The following TRIO variants were observed in gnomAD, a reference collection of about 807,000 sequenced individuals.
TRIO encodes the protein trio Rho guanine nucleotide exchange factor.
A neutral mutation model predicts 351.9 loss-of-function variants in TRIO; 58 were observed. That is an observed-to-expected ratio of 0.16 (90% CI 0.13 to 0.21). The LOEUF (loss-of-function observed/expected upper bound fraction) is 0.21. Ranked by LOEUF, TRIO falls within the 10% of genes least tolerant of loss-of-function variation. The pLI is 1.00. For missense variants in TRIO, 3,201 were observed against 4,027.8 expected (o/e 0.79, Z 5.56); for synonymous variants, 1,758 against 1,595.7 (o/e 1.10, Z -2.42).
At chr5:14,372,273 A>AGT (rs1745188096) in intron 18 of TRIO, among the ~76,000 whole-genome samples, 1 of 149,252 alleles carries the variant, frequency 6.7e-6, no homozygotes, top group Non-Finnish European at 1.5e-5. Context: ...AGAGAGAGAG[A>AGT]GAGTGCAGGC....
In TRIO at chr5:14,286,524, G is replaced by T. The variant is rs1011123617; in HGVS notation, c.348-347G>T. 6.6e-6 allele frequency among the ~76,000 whole-genome samples: 1 copy of T among 152,148 alleles called. No homozygotes were observed. Among genetic ancestry groups the T allele is most frequent in the African/African-American group, 2.4e-5 (1 of 41,422 alleles). On this transcript the variant is annotated intron_variant, in intron 3 of 56. Coordinates refer to ENST00000344204, the MANE Select transcript of TRIO (RefSeq NM_007118.4). This position sits in a 1 kb window ranked among gnomAD's most constrained non-coding sequence, Gnocchi z 4.4. ...TGCTCCCTGGAGACCTTTGCTCGCA[G>T]GAGTGACTGGAGGAGTTCATGTAAT...
In TRIO at chr5:14,504,396, C is replaced by T; in HGVS notation, c.8415C>T (p.Gly2805=). Reference sequence around the variant, plus strand: ...GTCCCCCTGACATATTTTACAGGGGCAGATTCTCTGTCGTTAAGAAATGTG... The same window carrying T: ...GTCCCCCTGACATATTTTACAGGGGTAGATTCTCTGTCGTTAAGAAATGTG... ...FYSEVAELGR[G]RFSVVKKCDQ... Residue 2805 remains glycine, a synonymous_variant, in exon 55 of 57, where the codon GGC becomes GGT. Transcript: ENST00000344204. The T allele has an allele frequency of 1.2e-6, 2 of 1,614,128 alleles. No individual in the cohort carries two copies. Among genetic ancestry groups the T allele is most frequent in the African/African-American group, 1.3e-5 (1 of 75,040 alleles).
At chr5:14,389,635 A>G (rs1746872285) in intron 25 of TRIO, among the ~76,000 whole-genome samples, 1 of 152,182 alleles carries the variant, frequency 6.6e-6, no homozygotes, top group African/African-American at 2.4e-5. Context: ...AACTATGAAA[A>G]TATTTTTATA....
intron 1 of TRIO, among the ~76,000 whole-genome samples, chr5:14,190,388 C>A (rs1308855131): frequency 6.6e-6 from 1 of 152,200 alleles, no homozygotes; most frequent in African/African-American, 2.4e-5. Flanking sequence ...GAAAAATCAA[C>A]CACATATGCA....
chr5:14,498,156 A>G lies in TRIO; in HGVS notation c.8115A>G (p.Arg2705=). 6.2e-7 allele frequency: 1 copy of G among 1,614,162 alleles called. No individual in the cohort carries two copies. The highest frequency in any genetic ancestry group is 8.5e-7 in the Non-Finnish European group (1 of 1,180,030). ...AGACAGGGGAGACCGTTGTTCTTAGATGTCGAGTCTGTGGCCGCCCCAAAG... is the reference window on the plus strand; with the variant it reads ...AGACAGGGGAGACCGTTGTTCTTAGGTGTCGAGTCTGTGGCCGCCCCAAAG... The part of the protein sequence containing the change: ...TCETGETVVL[R]CRVCGRPKAS... Residue 2705 remains arginine, a synonymous_variant, in exon 52 of 57, where the codon AGA becomes AGG. Transcript: ENST00000344204.
chr5:14,449,980 C>G (rs568622554), intron 34 of TRIO, among the ~76,000 whole-genome samples: 2 of 152,202 alleles, frequency 1.3e-5, no homozygotes. Context: ...TTAGCATTCC[C>G]CTTCCAAGAA....
intron 39 of TRIO, among the ~76,000 whole-genome samples, chr5:14,473,675 CA>C (rs1350479681): frequency 6.6e-6 from 1 of 152,150 alleles, no homozygotes; most frequent in East Asian, 1.9e-4. Context: ...TGATTCTGAC[CA>C]AATATTTAAT....
chr5:14,479,282 A>G lies in TRIO; in HGVS notation c.6175A>G (p.Ile2059Val). The G allele has an allele frequency of 6.2e-7, 1 of 1,614,046 alleles. No homozygotes were observed. The highest frequency in any genetic ancestry group is 8.5e-7 in the Non-Finnish European group (1 of 1,179,982). Residue 2059 changes from isoleucine to valine, a missense_variant, in exon 42 of 57, where the codon ATA becomes GTA. Coordinates refer to ENST00000344204, the MANE Select transcript of TRIO (RefSeq NM_007118.4). ...VKHERRLHMYIAYCQNKPKSE... is the reference protein window; with the variant it reads ...VKHERRLHMYVAYCQNKPKSE... ...CTAGGAGAGAAGGTTGCACATGTAC[A>G]TAGCTTATTGTCAAAATAAACCAAA...
chr5:14,414,881 C>G (rs73061653), intron 33 of TRIO, among the ~76,000 whole-genome samples: 1 of 152,248 alleles, frequency 6.6e-6, no homozygotes, highest in African/African-American at 2.4e-5. Context: ...GTGAAGTTGC[C>G]CTGTGGAGAA....
chr5:14,234,001 T>G (rs1037463581), intron 1 of TRIO, among the ~76,000 whole-genome samples: 3 of 152,140 alleles, frequency 2.0e-5, no homozygotes, highest in African/African-American at 7.2e-5. Flanking sequence ...TGTCACTGTT[T>G]CCCAGGCTAG....
intron 11 of TRIO, among the ~76,000 whole-genome samples, chr5:14,339,436 G>C (rs1369824420): frequency 1.3e-5 from 2 of 152,232 alleles, no homozygotes; most frequent in Non-Finnish European, 2.9e-5. Context: ...GGAATTTCTA[G>C]TATGTATGAG....
chr5:14,441,534 T>C (rs560158789), intron 34 of TRIO, among the ~76,000 whole-genome samples: 23 of 152,012 alleles, frequency 1.5e-4, no homozygotes, highest in African/African-American at 5.5e-4. Flanking sequence ...TGGGAGATGG[T>C]TTATGGGGGG....
At chr5:14,221,969 G>A (rs1465693952) in intron 1 of TRIO, among the ~76,000 whole-genome samples, 2 of 152,074 alleles carry the variant, frequency 1.3e-5, no homozygotes, top group Non-Finnish European at 2.9e-5. Context: ...AGGAAGAGTC[G>A]ATAGATGCAG....
At chr5:14,299,016 G>C (rs1309985996) in intron 7 of TRIO, among the ~76,000 whole-genome samples, 1 of 152,196 alleles carries the variant, frequency 6.6e-6, no homozygotes. Context: ...GTGAATGTCA[G>C]GCTGAAGCAT....
rs1161043659 is a variant in TRIO at position 14,357,194 on chromosome 5, A to AG, written c.2047-982dup. 4.6e-5 allele frequency among the ~76,000 whole-genome samples: 7 copies of AG among 152,352 alleles called. No homozygotes were observed. In the East Asian group the frequency reaches 1.4e-3, roughly 29 times the overall value. ...GTGCAGTTTTGACTTATGAGTCTTG[A>AG]GGCAGCAGGCGTTGCACAGGGTATC... On this transcript the variant is annotated intron_variant, in intron 11 of 56. Transcript: ENST00000344204.
At chr5:14,158,432 A>G (rs1788245265) in intron 1 of TRIO, among the ~76,000 whole-genome samples, 1 of 152,138 alleles carries the variant, frequency 6.6e-6, no homozygotes, top group African/African-American at 2.4e-5. Flanking sequence ...TCAAAAAAAA[A>G]AAAAATCTGG....
Position 14,316,762 on chromosome 5 carries a change from C to T in TRIO, c.1731+19C>T, listed in dbSNP as rs1196873129. The T allele has an allele frequency of 3.7e-6, 6 of 1,602,720 alleles. No individual in the cohort carries two copies. The South Asian group carries it at 4.5e-5, about 12-fold the overall frequency. ...TCAGCAGGTCAGTTTCGCCTCATGC[C>T]CTTCTGCATGGGAAATGGCTTGTGT... On this transcript the variant is annotated intron_variant, in intron 9 of 56. Transcript: ENST00000344204.
intron 11 of TRIO, among the ~76,000 whole-genome samples, chr5:14,345,221 G>A (rs541776817): frequency 6.6e-6 from 1 of 152,196 alleles, no homozygotes; most frequent in Admixed American, 6.5e-5. Flanking sequence ...AGAGAGCTTA[G>A]AAGTTATTGT....
chr5:14,358,330 C>T lies in TRIO; in HGVS notation c.2199C>T (p.Asp733=). The T allele has an allele frequency of 1.2e-6, 2 of 1,614,124 alleles. No individual in the cohort carries two copies. The highest frequency in any genetic ancestry group is 1.7e-6 in the Non-Finnish European group (2 of 1,180,002). Reference sequence around the variant, plus strand: ...TCAACGTGATCAAGGAAGGGGAGGACCTCATCCAGCAGCTCAGGTGGGCCT... The same window carrying T: ...TCAACGTGATCAAGGAAGGGGAGGATCTCATCCAGCAGCTCAGGTGGGCCT... ...VTVNVIKEGE[D]LIQQLRDSAI... Residue 733 remains aspartate (D), a synonymous_variant, in exon 12 of 57, where the codon GAC becomes GAT. Transcript: ENST00000344204.
Sources: gnomAD v4.1 joint callset for allele counts (sites outside exome capture counted in the v4.1 genomes callset) on GRCh38, gnomAD v4.1.1 for gene constraint, Gnocchi (gnomAD v3.1) non-coding constraint, MANE v1.5 for transcripts, NCBI Gene and HGNC (gene_info 2026-07-23, HGNC 2026-07-21) for gene names.